The following COL5A2 variants were observed in gnomAD, a reference collection of about 807,000 sequenced individuals.
The protein encoded by COL5A2 is collagen type V alpha 2 chain.
COL5A2 carries 23 observed loss-of-function variants against 208.2 expected under a neutral mutation model. That is an observed-to-expected ratio of 0.11 (90% confidence interval 0.08 to 0.16). The LOEUF is 0.16. Ranked by LOEUF, COL5A2 falls within the 10% of genes least tolerant of loss-of-function variation. The pLI is 1.00. For synonymous variants in COL5A2, 625 were observed against 628.5 expected, an observed-to-expected ratio of 0.99 and a Z score of 0.08; for missense variants, 1,590 against 1,956.4, an observed-to-expected ratio of 0.81 and a Z score of 3.53.
chr2:189,207,758 T>C (rs1689159287), intron 1 of COL5A2, among the ~76,000 whole-genome samples: 1 of 152,178 alleles, frequency 6.6e-6, no homozygotes, highest in Admixed American at 6.5e-5. Context: ...GATCCCCCTA[T>C]GATCATTAAT....
At chr2:189,053,271 C>T (rs1420105023) in intron 38 of COL5A2, among the ~76,000 whole-genome samples, 153 bp downstream of exon 38, 1 of 152,012 alleles carries the variant, frequency 6.6e-6, no homozygotes, top group Non-Finnish European at 1.5e-5. Context: ...AGTTTTGTGC[C>T]AGTCTATAAA....
At chr2:189,079,235 A>T in intron 14 of COL5A2, 128 bp from the exon 15 acceptor site, 1 of 748,080 alleles carries the variant, frequency 1.3e-6, no homozygotes, top group South Asian at 1.6e-5. Flanking sequence ...TTGATATAGG[A>T]TCTCAGAATG....
At chr2:189,324,497 T>G in the COL5A2 span, among the ~76,000 whole-genome samples, 2 of 151,978 alleles carry the variant, frequency 1.3e-5, no homozygotes, top group East Asian at 3.8e-4. Context: ...CATCAAGAAG[T>G]GGGTGAAGGA....
At chr2:189,205,756 A>T (rs1337365161) in intron 1 of COL5A2, among the ~76,000 whole-genome samples, 1 of 152,228 alleles carries the variant, frequency 6.6e-6, no homozygotes, top group Non-Finnish European at 1.5e-5. Flanking sequence ...CTATAGTAAT[A>T]AGACCTTTAG....
the COL5A2 span, among the ~76,000 whole-genome samples, chr2:189,409,058 T>C: frequency 6.6e-6 from 1 of 152,186 alleles, no homozygotes; most frequent in Admixed American, 6.5e-5. Flanking sequence ...TATCCTTCTT[T>C]AGAGATATAC....
At chr2:189,373,557 G>T in the COL5A2 span, among the ~76,000 whole-genome samples, 1 of 152,026 alleles carries the variant, frequency 6.6e-6, no homozygotes, top group Non-Finnish European at 1.5e-5. Context: ...TTATATTTTT[G>T]TCTTATAGGT....
intron 24 of COL5A2, 58 bp downstream of exon 24, chr2:189,064,946 A>C: frequency 6.5e-7 from 1 of 1,543,136 alleles, no homozygotes; most frequent in South Asian, 1.1e-5. Flanking sequence ...CGTGCTGAAA[A>C]ATGGCATCTT....
At chr2:189,058,554 A>C in intron 32 of COL5A2, 27 bp from the exon 33 acceptor site, 1 of 1,569,416 alleles carries the variant, frequency 6.4e-7, no homozygotes, top group Non-Finnish European at 8.8e-7. Context: ...ATGTCAAATA[A>C]TCTCAATACT....
chr2:189,353,338 T>C, the COL5A2 span, among the ~76,000 whole-genome samples: 1 of 152,214 alleles, frequency 6.6e-6, no homozygotes, highest in African/African-American at 2.4e-5. Flanking sequence ...AAGTCAATGG[T>C]AGCTTTACGG....
the COL5A2 span, among the ~76,000 whole-genome samples, chr2:189,234,185 C>G: frequency 3.3e-5 from 5 of 151,566 alleles, no homozygotes; most frequent in Non-Finnish European, 7.4e-5. Context: ...CTATTAACTT[C>G]CTCCTAAGTA....
the COL5A2 span, among the ~76,000 whole-genome samples, chr2:189,281,513 T>C: frequency 2.0e-5 from 3 of 152,160 alleles, no homozygotes; most frequent in African/African-American, 4.8e-5. Flanking sequence ...ACTCTCCAAA[T>C]AGTGACAAAA....
chr2:189,382,058 T>C, the COL5A2 span, among the ~76,000 whole-genome samples: 12 of 152,338 alleles, frequency 7.9e-5, no homozygotes, highest in East Asian at 2.3e-3. Context: ...TGAATATTTT[T>C]CCATATCCAT....
the COL5A2 span, among the ~76,000 whole-genome samples, chr2:189,237,723 T>G: frequency 6.6e-6 from 1 of 151,938 alleles, no homozygotes; most frequent in Admixed American, 6.6e-5. Flanking sequence ...TGTGTACTTT[T>G]AATAATAAAT....
chr2:189,374,762 G>A, the COL5A2 span, among the ~76,000 whole-genome samples: 2 of 152,072 alleles, frequency 1.3e-5, no homozygotes, highest in Non-Finnish European at 2.9e-5. Flanking sequence ...CAGGTTAAAG[G>A]AAATCTGAGC....
In COL5A2 at chr2:189,086,795, T is replaced by C. The variant is rs1021839163; in HGVS notation, c.646-25A>G. On this transcript the variant is annotated intron_variant, in intron 8 of 53. Coordinates refer to ENST00000374866, the MANE Select transcript of COL5A2 (RefSeq NM_000393.5). The stretch of plus-strand genomic sequence containing the variant: ...CCTTAAAAACAAATGAGGAGAAACG[T>C]TGCAAAGTACTCATGACAATTAGGT... 7 of 1,565,238 alleles carry C rather than the reference T, an allele frequency of 4.5e-6. No homozygotes were observed. In the African/African-American group the frequency reaches 6.8e-5, roughly 15 times the overall value.
At chr2:189,384,135 GT>G in the COL5A2 span, among the ~76,000 whole-genome samples, 1 of 151,790 alleles carries the variant, frequency 6.6e-6, no homozygotes, top group Admixed American at 6.6e-5. Context: ...TATCTACCAT[GT>G]TTTCTTTATC....
At chr2:189,069,364 T>G (rs531038544) in intron 18 of COL5A2, among the ~76,000 whole-genome samples, 1 of 152,330 alleles carries the variant, frequency 6.6e-6, no homozygotes, top group African/African-American at 2.4e-5. Flanking sequence ...AGAATAGATA[T>G]TCTTAAATCC....
At chr2:189,213,228 G>A (rs1689238274) in intron 1 of COL5A2, among the ~76,000 whole-genome samples, 1 of 151,930 alleles carries the variant, frequency 6.6e-6, no homozygotes, top group South Asian at 2.1e-4. Context: ...GGGGGGAGTT[G>A]TATAAAAAGT....
At chr2:189,059,194 T>A (rs1422850518) in intron 31 of COL5A2, among the ~76,000 whole-genome samples, 1 of 152,098 alleles carries the variant, frequency 6.6e-6, no homozygotes. Flanking sequence ...GGCAACAAAA[T>A]ACATGCTAAA....
Sources: allele counts gnomAD v4.1 joint callset (sites outside exome capture counted in the v4.1 genomes callset), GRCh38; gene constraint gnomAD v4.1.1; transcripts MANE v1.5; gene names NCBI Gene and HGNC (gene_info 2026-07-23, HGNC 2026-07-21).